The following FAM107B variants were observed in gnomAD, a reference collection of about 807,000 sequenced individuals.
FAM107B encodes family with sequence similarity 107 member B, also known as protein FAM107B.
FAM107B carries 21 observed loss-of-function variants against 31.5 expected under a neutral mutation model. That is an observed-to-expected ratio of 0.67 (90% confidence interval 0.47 to 0.96). The LOEUF (loss-of-function observed/expected upper bound fraction) is 0.96. Ranked by LOEUF, FAM107B falls within the 40% of genes least tolerant of loss-of-function variation. The pLI is 0.00. For synonymous variants in FAM107B, 157 were observed against 141.5 expected, an observed-to-expected ratio of 1.11 and a Z score of -0.78; for missense variants, 452 against 377.1, an observed-to-expected ratio of 1.20 and a Z score of -1.64.
intron 1 of FAM107B, among the ~76,000 whole-genome samples, chr10:14,727,273 T>C (rs1235698245): frequency 2.6e-5 from 4 of 152,018 alleles, no homozygotes; most frequent in African/African-American, 4.8e-5. Flanking sequence ...GGCCCAGGAG[T>C]TGGGGACCCC....
At chr10:14,600,151 G>C (rs969519550) in intron 2 of FAM107B, among the ~76,000 whole-genome samples, 1 of 152,100 alleles carries the variant, frequency 6.6e-6, no homozygotes, top group Admixed American at 6.5e-5. Flanking sequence ...CCTCTGGTGG[G>C]CACAGCTGTA....
intron 1 of FAM107B, among the ~76,000 whole-genome samples, chr10:14,695,049 G>T (rs1383429490): frequency 6.6e-6 from 1 of 152,058 alleles, no homozygotes; most frequent in Non-Finnish European, 1.5e-5. Context: ...TAAGTTTTTG[G>T]TGTGATATGC....
intron 2 of FAM107B, among the ~76,000 whole-genome samples, chr10:14,592,611 G>A (rs1393763694): frequency 6.6e-6 from 1 of 152,112 alleles, no homozygotes; most frequent in Non-Finnish European, 1.5e-5. Context: ...GGCATAACTT[G>A]CATAAAGTGC....
At chr10:14,543,710 C>CAAAA (rs1023288262) in intron 2 of FAM107B, among the ~76,000 whole-genome samples, 2 of 120,518 alleles carry the variant, frequency 1.7e-5, no homozygotes, top group African/African-American at 5.8e-5. Flanking sequence ...AAAAAAAAAA[C>CAAAA]CAAAAACTCT....
chr10:14,640,617 T>A (rs1480996969), intron 2 of FAM107B, among the ~76,000 whole-genome samples: 2 of 152,224 alleles, frequency 1.3e-5, no homozygotes, highest in East Asian at 3.8e-4. Flanking sequence ...CAGTGAATTT[T>A]CTTTCTGTCT....
chr10:14,566,428 C>G (rs1258189925), intron 2 of FAM107B, among the ~76,000 whole-genome samples: 3 of 152,086 alleles, frequency 2.0e-5, no homozygotes, highest in Non-Finnish European at 2.9e-5. Context: ...GCAGGCGACC[C>G]ACGTCCCACA....
At chr10:14,647,331 A>C (rs1853781978) in intron 2 of FAM107B, among the ~76,000 whole-genome samples, 1 of 152,218 alleles carries the variant, frequency 6.6e-6, no homozygotes, top group Non-Finnish European at 1.5e-5. Context: ...TTTCAGTGCT[A>C]CAAATCGATA....
intron 1 of FAM107B, among the ~76,000 whole-genome samples, chr10:14,722,682 T>C (rs1855939558): frequency 6.6e-6 from 1 of 152,216 alleles, no homozygotes; most frequent in Admixed American, 6.5e-5. Context: ...TATTGTTAAG[T>C]TGCCAGAGTT....
chr10:14,528,699 G>A (rs1846605090), intron 3 of FAM107B, among the ~76,000 whole-genome samples: 1 of 152,020 alleles, frequency 6.6e-6, no homozygotes, highest in Non-Finnish European at 1.5e-5. Context: ...TAGTTGAGCT[G>A]GGCAAACAAG....
chr10:14,600,515 C>G (rs938061331), intron 2 of FAM107B, among the ~76,000 whole-genome samples: 3 of 152,148 alleles, frequency 2.0e-5, no homozygotes, highest in African/African-American at 4.8e-5. Flanking sequence ...CAACCCCCAC[C>G]TTCAATGGCA....
At chr10:14,578,243 C>G (rs1294386523) in intron 2 of FAM107B, among the ~76,000 whole-genome samples, 2 of 152,212 alleles carry the variant, frequency 1.3e-5, no homozygotes, top group African/African-American at 4.8e-5. Flanking sequence ...ATATCCTGCA[C>G]TTATCTGTGC....
At chr10:14,553,935 C>A (rs1849478726) in intron 2 of FAM107B, among the ~76,000 whole-genome samples, 1 of 152,128 alleles carries the variant, frequency 6.6e-6, no homozygotes, top group Non-Finnish European at 1.5e-5. Flanking sequence ...TTCAAACAGG[C>A]TGACTCGTTT....
At chr10:14,713,560 A>C (rs1247942729) in intron 1 of FAM107B, among the ~76,000 whole-genome samples, 6 of 152,242 alleles carry the variant, frequency 3.9e-5, no homozygotes, top group African/African-American at 1.4e-4. Flanking sequence ...ATTGTGCACC[A>C]AAATTCTGGA....
intron 2 of FAM107B, among the ~76,000 whole-genome samples, chr10:14,666,741 G>A (rs898425465): frequency 2.0e-5 from 3 of 152,158 alleles, no homozygotes; most frequent in Non-Finnish European, 4.4e-5. Context: ...TAATTGATGG[G>A]GGTACAGGGA....
intron 1 of FAM107B, among the ~76,000 whole-genome samples, chr10:14,755,951 A>T (rs1442625330): frequency 3.3e-5 from 5 of 152,124 alleles, no homozygotes; most frequent in African/African-American, 1.2e-4. Context: ...TGACTCCAAA[A>T]CCCAATAAAT....
chr10:14,553,844 G>A (rs986656806), intron 2 of FAM107B, among the ~76,000 whole-genome samples: 2 of 152,176 alleles, frequency 1.3e-5, no homozygotes, highest in Admixed American at 6.5e-5. Context: ...ACACTCTGAG[G>A]TAGGTTCTGA....
At chr10:14,582,547 T>C (rs1365905716) in intron 2 of FAM107B, among the ~76,000 whole-genome samples, 1 of 151,388 alleles carries the variant, frequency 6.6e-6, no homozygotes, top group Non-Finnish European at 1.5e-5. Flanking sequence ...CCGGCTAATT[T>C]TTTGTATTTT....
At chr10:14,756,242 A>AT (rs1832928771) in intron 1 of FAM107B, among the ~76,000 whole-genome samples, 1 of 152,146 alleles carries the variant, frequency 6.6e-6, no homozygotes, top group African/African-American at 2.4e-5. Context: ...TTATTCTACA[A>AT]ATTGATGAAA....
chr10:14,737,110 A>C (rs550323785), intron 1 of FAM107B, among the ~76,000 whole-genome samples: 56 of 152,206 alleles, frequency 3.7e-4, no homozygotes, highest in Admixed American at 9.2e-4. Flanking sequence ...TCGGAGCACC[A>C]CCAAGCCAGA....
Sources: gnomAD v4.1 joint callset for allele counts (sites outside exome capture counted in the v4.1 genomes callset) on GRCh38, gnomAD v4.1.1 for gene constraint, MANE v1.5 for transcripts, NCBI Gene and HGNC (gene_info 2026-07-23, HGNC 2026-07-21) for gene names.